The following HDAC9 variants were observed in gnomAD, a reference collection of about 807,000 sequenced individuals.
HDAC9 encodes the protein histone deacetylase 9, also known as MEF-2 interacting transcription repressor (MITR) protein.
HDAC9 carries 41 observed loss-of-function variants against 139.4 expected under a neutral mutation model. The observed-to-expected ratio is 0.29, with a 90% CI of 0.23 to 0.38. The LOEUF (loss-of-function observed/expected upper bound fraction) is 0.38. Ranked by LOEUF, HDAC9 falls within the 10% of genes least tolerant of loss-of-function variation. The pLI, the probability that HDAC9 is intolerant of heterozygous loss-of-function variation, is 1.00. For missense variants in HDAC9, 1,147 were observed against 1,297.0 expected (o/e 0.88, Z 1.78); for synonymous variants, 517 against 476.2 (o/e 1.09, Z -1.12).
intron 1 of HDAC9, among the ~76,000 whole-genome samples, chr7:18,386,993 A>T (rs1222629121): frequency 2.6e-5 from 4 of 151,986 alleles, no homozygotes; most frequent in Non-Finnish European, 4.4e-5. Flanking sequence ...TGTCTTTGTA[A>T]CCCTCTTGGG....
At chr7:18,622,670 C>T (rs1466586955) in intron 6 of HDAC9, among the ~76,000 whole-genome samples, 1 of 151,770 alleles carries the variant, frequency 6.6e-6, no homozygotes, top group Non-Finnish European at 1.5e-5. Flanking sequence ...AATAATTAAT[C>T]ATCTTAATAT....
chr7:18,241,512 G>A (rs1217296989), intron 2 of HDAC9, among the ~76,000 whole-genome samples: 1 of 152,088 alleles, frequency 6.6e-6, no homozygotes, highest in Non-Finnish European at 1.5e-5. Flanking sequence ...CTGCCTCTTT[G>A]TTGTTTTCAC....
chr7:18,881,307 C>T (rs1799720476), intron 22 of HDAC9, among the ~76,000 whole-genome samples: 1 of 152,072 alleles, frequency 6.6e-6, no homozygotes, highest in African/African-American at 2.4e-5. Flanking sequence ...ATCTATGAGA[C>T]ATATAAACTT....
At chr7:18,653,251 A>AC (rs1235069390) in intron 11 of HDAC9, among the ~76,000 whole-genome samples, 6 of 151,856 alleles carry the variant, frequency 4.0e-5, no homozygotes, top group Non-Finnish European at 8.8e-5. Flanking sequence ...AAAAAAAAAA[A>AC]AAAAAACCAG....
rs557873063 is a variant in HDAC9 at position 18,776,510 on chromosome 7, G to T, written c.2214+9355G>T. Among the ~76,000 whole-genome samples the T allele has an allele frequency of 1.7e-3, 262 of 152,110 alleles. 1 individual carries two copies. Among genetic ancestry groups the T allele is most frequent in the Non-Finnish European group, 2.9e-3 (197 of 67,980 alleles). ...TGCAAATACAGTACTGAACAAAACAGAAAACGTTTTATCCTACTGGAACTT... is the reference window on the plus strand; with the variant it reads ...TGCAAATACAGTACTGAACAAAACATAAAACGTTTTATCCTACTGGAACTT... On this transcript the variant is annotated intron_variant, in intron 16 of 25. Transcript: ENST00000686413.
intron 6 of HDAC9, among the ~76,000 whole-genome samples, chr7:18,627,143 C>G (rs1473591346): frequency 2.6e-5 from 4 of 152,208 alleles, no homozygotes; most frequent in South Asian, 2.1e-4. Context: ...GCACTATAAT[C>G]TCACTGCAAA....
At chr7:18,607,957 G>A (rs1417574805) in intron 6 of HDAC9, among the ~76,000 whole-genome samples, 2 of 152,006 alleles carry the variant, frequency 1.3e-5, no homozygotes, top group African/African-American at 4.8e-5. Context: ...AGAACAGGCA[G>A]GACATTTTAG....
intron 13 of HDAC9, among the ~76,000 whole-genome samples, chr7:18,737,551 GAATAT>G: frequency 6.6e-6 from 1 of 151,048 alleles, no homozygotes; most frequent in Non-Finnish European, 1.5e-5. Flanking sequence ...GTTTTGATTA[GAATAT>G]AGTTTTCATT....
intron 1 of HDAC9, among the ~76,000 whole-genome samples, chr7:18,324,902 C>G (rs1176088803): frequency 6.6e-6 from 1 of 152,058 alleles, no homozygotes; most frequent in Non-Finnish European, 1.5e-5. Flanking sequence ...GTTTTAAGCT[C>G]CAGTTGAAAA....
chr7:18,914,177 G>A (rs1802987648), intron 22 of HDAC9, among the ~76,000 whole-genome samples: 1 of 151,454 alleles, frequency 6.6e-6, no homozygotes, highest in Admixed American at 6.6e-5. Flanking sequence ...ACCAGAAAGT[G>A]GGCCTTCACC....
chr7:18,908,391 G>A (rs539606714), intron 22 of HDAC9, among the ~76,000 whole-genome samples: 29 of 152,098 alleles, frequency 1.9e-4, no homozygotes, highest in African/African-American at 6.0e-4. Flanking sequence ...TCTTTGTGAT[G>A]GGAACATTCA....
chr7:18,753,327 C>G (rs1788606493), intron 14 of HDAC9, among the ~76,000 whole-genome samples: 1 of 152,046 alleles, frequency 6.6e-6, no homozygotes, highest in Admixed American at 6.6e-5. Flanking sequence ...ATAGTCTTGA[C>G]AGCATCAGTG....
At chr7:18,534,832 A>C (rs555555227) in intron 2 of HDAC9, among the ~76,000 whole-genome samples, 1 of 152,306 alleles carries the variant, frequency 6.6e-6, no homozygotes, top group East Asian at 1.9e-4. Context: ...CTTCTAGTGA[A>C]AAGAAGGGTA....
At chr7:18,991,033 C>T (rs970863099) in intron 25 of HDAC9, among the ~76,000 whole-genome samples, 19 of 152,228 alleles carry the variant, frequency 1.2e-4, no homozygotes, top group African/African-American at 4.6e-4. Context: ...GAGCTGTAGA[C>T]CGGAGCTGTT....
chr7:18,904,841 C>G (rs927813070), intron 22 of HDAC9, among the ~76,000 whole-genome samples: 4 of 152,002 alleles, frequency 2.6e-5, no homozygotes, highest in Admixed American at 1.3e-4. Flanking sequence ...TCCCAAAGTG[C>G]TGGGATTACA....
intron 1 of HDAC9, among the ~76,000 whole-genome samples, chr7:18,414,469 A>C (rs1314683189): frequency 6.6e-6 from 1 of 151,968 alleles, no homozygotes; most frequent in Non-Finnish European, 1.5e-5. Flanking sequence ...CAGCCTAACT[A>C]CAAGGACATA....
At chr7:18,971,402 T>C (rs1009756647) in intron 24 of HDAC9, among the ~76,000 whole-genome samples, 3 of 152,240 alleles carry the variant, frequency 2.0e-5, no homozygotes, top group African/African-American at 7.2e-5. Flanking sequence ...AATATTTGAC[T>C]TTATGAATAA....
chr7:18,784,062 C>G (rs148976410), intron 16 of HDAC9, among the ~76,000 whole-genome samples: 1 of 152,022 alleles, frequency 6.6e-6, no homozygotes, highest in Non-Finnish European at 1.5e-5. Flanking sequence ...CATTTGAACA[C>G]GTGGCTACTT....
chr7:18,852,969 T>C (rs1193109772), intron 21 of HDAC9, among the ~76,000 whole-genome samples: 1 of 151,936 alleles, frequency 6.6e-6, no homozygotes, highest in Non-Finnish European at 1.5e-5. Context: ...CAAATCATAG[T>C]AGGGGTGCGG....
Sources: allele counts gnomAD v4.1 joint callset (sites outside exome capture counted in the v4.1 genomes callset), GRCh38; gene constraint gnomAD v4.1.1; transcripts MANE v1.5; gene names NCBI Gene and HGNC (gene_info 2026-07-23, HGNC 2026-07-21).